MAGI2: variants seen among roughly 807,000 people sequenced by gnomAD.
MAGI2 encodes membrane-associated guanylate kinase, WW and PDZ domain-containing protein 2.
MAGI2 carries 35 observed loss-of-function variants against 133.3 expected under a neutral mutation model. That is an observed-to-expected ratio of 0.26 (90% confidence interval 0.20 to 0.35). The LOEUF is 0.35. Among genes scored for constraint, MAGI2 ranks in the 10% least tolerant of loss-of-function variants. MAGI2 has a pLI of 1.00. For synonymous variants in MAGI2, 729 were observed against 710.6 expected (o/e 1.03, Z -0.41); for missense variants, 1,636 against 1,863.4 (o/e 0.88, Z 2.25).
intron 2 of MAGI2, among the ~76,000 whole-genome samples, chr7:78,775,943 C>A (rs1023939902): frequency 2.2e-4 from 34 of 152,148 alleles, no homozygotes; most frequent in Middle Eastern, 3.2e-3. Context: ...TTTCTACTCT[C>A]GTGTGAACCT....
chr7:78,190,525 C>T (rs57892218), intron 12 of MAGI2, among the ~76,000 whole-genome samples: 43,113 of 151,886 alleles, frequency 0.28, 6,692 homozygotes, highest in South Asian at 0.36. Context: ...TTGATAATCA[C>T]GCCAGGACAG....
chr7:78,740,038 G>A (rs1238277733), intron 2 of MAGI2, among the ~76,000 whole-genome samples: 1 of 152,074 alleles, frequency 6.6e-6, no homozygotes, highest in Non-Finnish European at 1.5e-5. Context: ...GCGGGCGCCT[G>A]TAGTCCCAGC....
chr7:78,948,067 C>T (rs1801571800), intron 2 of MAGI2, among the ~76,000 whole-genome samples: 1 of 151,950 alleles, frequency 6.6e-6, no homozygotes, highest in Non-Finnish European at 1.5e-5. Context: ...TTATATTTCA[C>T]TGATAGGAAA....
chr7:78,385,440 T>C (rs1166390682), intron 6 of MAGI2, among the ~76,000 whole-genome samples: 2 of 152,228 alleles, frequency 1.3e-5, no homozygotes, highest in African/African-American at 2.4e-5. Flanking sequence ...GGCAGGAAAA[T>C]GCTTTTCCCT....
chr7:78,733,532 C>A (rs185096824), intron 2 of MAGI2, among the ~76,000 whole-genome samples: 4 of 152,240 alleles, frequency 2.6e-5, no homozygotes. Context: ...GTAAAATTCT[C>A]TTTCTGAGTT....
At chr7:78,177,430 A>ACACACACT (rs1826758077) in intron 14 of MAGI2, among the ~76,000 whole-genome samples, 1 of 75,792 alleles carries the variant, frequency 1.3e-5, no homozygotes, top group Non-Finnish European at 3.4e-5. Context: ...ACACACACAC[A>ACACACACT]CACACACACA....
At chr7:78,334,724 G>A (rs1789574765) in intron 9 of MAGI2, among the ~76,000 whole-genome samples, 1 of 152,226 alleles carries the variant, frequency 6.6e-6, no homozygotes, top group African/African-American at 2.4e-5. Context: ...CATATCCACG[G>A]GGCATATGAT....
chr7:79,280,043 A>G (rs553996175), intron 1 of MAGI2, among the ~76,000 whole-genome samples: 1 of 152,274 alleles, frequency 6.6e-6, no homozygotes, highest in Non-Finnish European at 1.5e-5. Flanking sequence ...TTTTTTTAGC[A>G]TCACCTAAAA....
intron 1 of MAGI2, among the ~76,000 whole-genome samples, chr7:79,071,674 C>A (rs976783136): frequency 2.0e-5 from 3 of 150,618 alleles, no homozygotes; most frequent in African/African-American, 7.4e-5. Flanking sequence ...AGGAGGAAAT[C>A]TAGAGAGGCA....
chr7:79,185,827 T>A (rs1827037056), intron 1 of MAGI2, among the ~76,000 whole-genome samples: 2 of 151,786 alleles, frequency 1.3e-5, no homozygotes, highest in African/African-American at 4.8e-5. Flanking sequence ...CTAAGCCAGT[T>A]GGGACTAAGA....
chr7:78,632,098 G>A (rs1302520608), intron 2 of MAGI2, among the ~76,000 whole-genome samples: 4 of 152,224 alleles, frequency 2.6e-5, no homozygotes, highest in South Asian at 2.1e-4. Flanking sequence ...TTTTAATGAA[G>A]TCTTGCCATA....
At chr7:79,390,913 C>G (rs191568991) in intron 1 of MAGI2, among the ~76,000 whole-genome samples, 1 of 152,062 alleles carries the variant, frequency 6.6e-6, no homozygotes, top group African/African-American at 2.4e-5. Context: ...CTTTTGAGTC[C>G]CCAGCCATCA....
chr7:78,127,116 T>C, intron 19 of MAGI2, 81 bp downstream of exon 19: 1 of 1,152,108 alleles, frequency 8.7e-7, no homozygotes, highest in Non-Finnish European at 1.2e-6. Flanking sequence ...AGGTACTCTT[T>C]CCTCTGCCTC....
At chr7:78,242,706 T>C (rs1791288356) in intron 10 of MAGI2, among the ~76,000 whole-genome samples, 1 of 152,206 alleles carries the variant, frequency 6.6e-6, no homozygotes, top group Non-Finnish European at 1.5e-5. Context: ...GCTATTCTCT[T>C]TCATAGCTTA....
chr7:79,282,608 C>T (rs1021231599), intron 1 of MAGI2, among the ~76,000 whole-genome samples: 7 of 151,886 alleles, frequency 4.6e-5, no homozygotes, highest in Non-Finnish European at 8.8e-5. Flanking sequence ...CAAAAGAAGA[C>T]AAGGGAATAG....
chr7:78,622,613 A>G (rs1198550168), intron 3 of MAGI2, among the ~76,000 whole-genome samples: 2 of 152,016 alleles, frequency 1.3e-5, no homozygotes, highest in Non-Finnish European at 2.9e-5. Context: ...AACAAAAAAC[A>G]AAACTCCCAA....
intron 3 of MAGI2, among the ~76,000 whole-genome samples, chr7:78,535,266 GAACT>G (rs1797792309): frequency 6.6e-6 from 1 of 152,198 alleles, no homozygotes; most frequent in African/African-American, 2.4e-5. Flanking sequence ...TAACTTGGAA[GAACT>G]AATAGGAAAA....
chr7:78,608,447 A>T (rs1192407803), intron 3 of MAGI2, among the ~76,000 whole-genome samples: 1 of 150,186 alleles, frequency 6.7e-6, no homozygotes, highest in Non-Finnish European at 1.5e-5. Context: ...GCATATATAT[A>T]TGTATATATA....
intron 1 of MAGI2, among the ~76,000 whole-genome samples, chr7:79,345,626 T>A (rs1454388847): frequency 6.6e-6 from 1 of 152,062 alleles, no homozygotes; most frequent in African/African-American, 2.4e-5. Context: ...ATTGAGAAAT[T>A]CTCATAATAC....
Sources: gnomAD v4.1 joint callset for allele counts (sites outside exome capture counted in the v4.1 genomes callset) on GRCh38, gnomAD v4.1.1 for gene constraint, MANE v1.5 for transcripts, NCBI Gene and HGNC (gene_info 2026-07-23, HGNC 2026-07-21) for gene names.